The following HUWE1 variants were observed in gnomAD, a reference collection of about 807,000 sequenced individuals.
HUWE1 encodes the protein E3 ubiquitin-protein ligase HUWE1.
Under a neutral mutation model 299.4 loss-of-function variants are expected in HUWE1, and 18 were observed. That is an observed-to-expected ratio of 0.06 (90% CI 0.04 to 0.09). The LOEUF (loss-of-function observed/expected upper bound fraction) is 0.09, where lower values mean the gene tolerates loss of function less well. Ranked by LOEUF, HUWE1 falls within the 10% of genes least tolerant of loss-of-function variation. The probability of loss-of-function intolerance (pLI) is 1.00; values close to 1 mark genes in which losing one functional copy is unlikely to be tolerated. For missense variants in HUWE1, 1,832 were observed against 3,462.3 expected (o/e 0.53, Z 11.82); for synonymous variants, 1,317 against 1,286.1 (o/e 1.02, Z -0.51).
chrX:53,590,874 A>G, intron 34 of HUWE1, 126 bp downstream of exon 34: 1 of 815,757 alleles, frequency 1.2e-6, no homozygotes, highest in Non-Finnish European at 1.8e-6. Context: ...AAATACTGGC[A>G]TGGACATGTC....
intron 43 of HUWE1, among the ~76,000 whole-genome samples, chrX:53,580,114 C>A (rs1250510057): frequency 9.0e-6 from 1 of 111,481 alleles, no homozygotes; most frequent in Non-Finnish European, 1.9e-5. Context: ...CATATATTTT[C>A]TTTTTTATTA....
rs1661489368 is a variant in HUWE1 at position 53,594,401 on chromosome X, G to A, written c.3503+98C>T. The stretch of plus-strand genomic sequence containing the variant: ...AATAGCTATTTCTATATATCCCACT[G>A]TTACAAGATAGGGTACTTAAAAGCA... On this transcript the variant is annotated intron_variant, in intron 31 of 83. Coordinates refer to ENST00000262854, the MANE Select transcript of HUWE1 (RefSeq NM_031407.7). 3 of 920,905 alleles carry A rather than the reference G, an allele frequency of 3.3e-6. No homozygotes were observed. In the South Asian group the frequency reaches 6.3e-5, roughly 19 times the overall value. 75.9% of individuals were successfully genotyped at this position (920,905 alleles called of 1,213,427 possible).
intron 43 of HUWE1, 44 bp from the exon 44 acceptor site, chrX:53,577,111 T>C: frequency 3.0e-6 from 3 of 1,000,679 alleles, no homozygotes; most frequent in East Asian, 3.0e-5. Context: ...CATGAAGCAG[T>C]ACCTAAACTA....
chrX:53,580,970 A>G lies in HUWE1; in HGVS notation c.5577T>C (p.Ser1859=). 1 of 1,210,496 alleles carries G rather than the reference A, an allele frequency of 8.3e-7. No individual in the cohort carries two copies. The highest frequency in any genetic ancestry group is 1.1e-6 in the Non-Finnish European group (1 of 894,698). ...GAGSTTSGVV[S]GSLGSREINY... is the part of the protein sequence containing the mutation. Reference sequence around the variant, plus strand: ...TGATCTCCCGAGAGCCGAGGCTGCCAGACACAACACCAGAGGTAGTGCTAC... The same window carrying G: ...TGATCTCCCGAGAGCCGAGGCTGCCGGACACAACACCAGAGGTAGTGCTAC... The change falls in exon 43 of 84, where the codon TCT becomes TCC. Residue 1859 remains serine, a synonymous_variant. Transcript: ENST00000262854.
At chrX:53,575,598 T>C (rs782250887) in intron 45 of HUWE1, 45 bp downstream of exon 45, 23 of 1,170,331 alleles carry the variant, frequency 2.0e-5, no homozygotes, top group South Asian at 3.6e-5. Flanking sequence ...CACACAGGCA[T>C]TGAAAAATGA....
chrX:53,592,512 C>G lies in HUWE1; in HGVS notation c.3858G>C (p.Val1286=), dbSNP rs1556980187. 4.1e-6 allele frequency: 5 copies of G among 1,210,537 alleles called. No individual in the cohort carries two copies. Among genetic ancestry groups the G allele is most frequent in the Admixed American group, 4.3e-5 (2 of 46,022 alleles). Residue 1286 remains valine (V), a synonymous_variant, in exon 33 of 84, where the codon GTG becomes GTC. Transcript: ENST00000262854. The part of the protein sequence containing the change: ...ILCHILRGEP[V]IRERLSKEKE... ...TCTCCTTGCTTAGTCTCTCTCGAAT[C>G]ACAGGTTCTCCTCGGAGGATGTGGC... is the stretch of plus-strand genomic sequence containing the variant.
chrX:53,562,358 AG>A, intron 53 of HUWE1, 114 bp from the exon 54 acceptor site: 1 of 966,299 alleles, frequency 1.0e-6, no homozygotes, highest in Non-Finnish European at 1.4e-6. Flanking sequence ...TATGAGAGGA[AG>A]AACCAGATCT....
In HUWE1 at chrX:53,559,505, G is replaced by A. The variant is rs782337251; in HGVS notation, c.7764C>T (p.Asp2588=). Residue 2588 remains aspartate, a synonymous_variant, in exon 57 of 84, where the codon GAC becomes GAT. Coordinates refer to ENST00000262854, the MANE Select transcript of HUWE1 (RefSeq NM_031407.7). ...GAAGGCTGCTGCTCAGCTGAAGGATGTCAGCAGCAGCTGAGGGACCAAGCA... is the reference window on the plus strand; with the variant it reads ...GAAGGCTGCTGCTCAGCTGAAGGATATCAGCAGCAGCTGAGGGACCAAGCA... ...QRLLGPSAAA[D]ILQLSSSLPL... The A allele has an allele frequency of 7.4e-6, 9 of 1,209,388 alleles. No homozygotes were observed. The East Asian group carries it at 1.8e-4, about 24-fold the overall frequency.
intron 19 of HUWE1, among the ~76,000 whole-genome samples, chrX:53,618,802 A>T (rs1358391576): frequency 9.1e-6 from 1 of 109,548 alleles, no homozygotes; most frequent in Non-Finnish European, 1.9e-5. Context: ...ACCTCAGGTG[A>T]TCTGCCCGCC....
intron 7 of HUWE1, among the ~76,000 whole-genome samples, chrX:53,635,655 C>CACAAAATGCT (rs1173779585): frequency 1.8e-5 from 2 of 111,839 alleles, no homozygotes; most frequent in African/African-American, 3.3e-5. Flanking sequence ...ATGATTGAAG[C>CACAAAATGCT]ACAAAATGCT....
intron 19 of HUWE1, among the ~76,000 whole-genome samples, chrX:53,621,446 T>C (rs782639063): frequency 9.2e-6 from 1 of 108,548 alleles, no homozygotes; most frequent in Non-Finnish European, 1.9e-5. Context: ...GTTACTTTTA[T>C]AATAATTTCT....
At chrX:53,674,719 T>C (rs984672542) in intron 3 of HUWE1, among the ~76,000 whole-genome samples, 19 of 111,712 alleles carry the variant, frequency 1.7e-4, no homozygotes, top group African/African-American at 2.6e-4. Context: ...ACTGACCCTT[T>C]TGTGTGATTT....
At chrX:53,587,053 C>T in intron 37 of HUWE1, 144 bp from the exon 38 acceptor site, 1 of 674,118 alleles carries the variant, frequency 1.5e-6, no homozygotes, top group East Asian at 3.6e-5. Context: ...TTACCATTTA[C>T]CAGTTGTGTA....
intron 39 of HUWE1, among the ~76,000 whole-genome samples, chrX:53,586,078 G>A (rs1373948625): frequency 8.9e-6 from 1 of 112,151 alleles, no homozygotes; most frequent in Non-Finnish European, 1.9e-5. Flanking sequence ...ACTATCTACA[G>A]CCCCTTATCT....
At chrX:53,584,076 C>T (rs1397330509) in intron 41 of HUWE1, 110 bp downstream of exon 41, 17 of 850,149 alleles carry the variant, frequency 2.0e-5, no homozygotes, top group Middle Eastern at 3.7e-4. Flanking sequence ...GGGAGGCCTA[C>T]GTATCTTTAA....
chrX:53,564,454 C>G, intron 51 of HUWE1, 120 bp downstream of exon 51: 2 of 808,270 alleles, frequency 2.5e-6, no homozygotes, highest in South Asian at 4.4e-5. Context: ...ATCACCCATG[C>G]TCCTCTGCAA....
intron 43 of HUWE1, among the ~76,000 whole-genome samples, chrX:53,579,570 G>A (rs1439630494): frequency 4.7e-5 from 5 of 107,238 alleles, no homozygotes; most frequent in Admixed American, 9.8e-5. Context: ...GATGGAAGTA[G>A]ACATGGGAGA....
chrX:53,538,076 G>A (rs782692985), intron 77 of HUWE1, among the ~76,000 whole-genome samples: 1 of 111,687 alleles, frequency 9.0e-6, no homozygotes, highest in Non-Finnish European at 1.9e-5. Flanking sequence ...CCCAACGGAT[G>A]GAACAGAACT....
chrX:53,646,679 T>C (rs1313594760), intron 6 of HUWE1, among the ~76,000 whole-genome samples: 2 of 111,894 alleles, frequency 1.8e-5, no homozygotes, highest in Non-Finnish European at 3.8e-5. Flanking sequence ...TTTAGTTCAG[T>C]TATCCCACTT....
Sources: gnomAD v4.1 joint callset for allele counts (sites outside exome capture counted in the v4.1 genomes callset) on GRCh38, gnomAD v4.1.1 for gene constraint, MANE v1.5 for transcripts, NCBI Gene and HGNC (gene_info 2026-07-23, HGNC 2026-07-21) for gene names.